The following DHX8 variants were observed in gnomAD, a reference collection of about 807,000 sequenced individuals.
DHX8 encodes DEAH-box helicase 8, also known as ATP-dependent RNA helicase DHX8.
Under a neutral mutation model 140.7 loss-of-function variants are expected in DHX8, and 67 were observed. The ratio of observed to expected loss-of-function variants is 0.48; its 90% confidence interval spans 0.39 to 0.58. DHX8 has a LOEUF of 0.58. Among genes scored for constraint, DHX8 ranks in the 20% least tolerant of loss-of-function variants. The pLI, the probability that DHX8 is intolerant of heterozygous loss-of-function variation, is 0.00. For synonymous variants in DHX8, 533 were observed against 553.2 expected (o/e 0.96, Z 0.51); for missense variants, 887 against 1,550.7 (o/e 0.57, Z 7.19).
At chr17:43,498,537 C>A (rs1381344388) in intron 9 of DHX8, among the ~76,000 whole-genome samples, 1 of 151,890 alleles carries the variant, frequency 6.6e-6, no homozygotes, top group Non-Finnish European at 1.5e-5. Flanking sequence ...GCAACCTCTG[C>A]CTCCTGGGTG....
chr17:43,527,712 C>G (rs192882738), downstream of DHX8: 174 of 195,092 alleles, frequency 8.9e-4, no homozygotes, highest in African/African-American at 3.8e-3. Flanking sequence ...GGTGAACTGC[C>G]TTTTTTCAAA....
At chr17:43,531,686 G>A (rs1163504369), downstream of DHX8, among the ~76,000 whole-genome samples, 6 of 152,114 alleles carry the variant, frequency 3.9e-5, no homozygotes, top group African/African-American at 1.4e-4. Context: ...AACAAACAGA[G>A]CAAGACTCTG....
intron 2 of DHX8, among the ~76,000 whole-genome samples, chr17:43,535,487 G>A (rs1331004777): frequency 6.6e-6 from 1 of 152,082 alleles, no homozygotes; most frequent in Non-Finnish European, 1.5e-5. Context: ...ATGTTGGCCA[G>A]GTTGGTCTCA....
At chr17:43,496,667 C>G (rs891928966) in intron 9 of DHX8, among the ~76,000 whole-genome samples, 9 of 151,992 alleles carry the variant, frequency 5.9e-5, no homozygotes, top group Non-Finnish European at 1.3e-4. Flanking sequence ...ATCGTCCCAG[C>G]TACTCGGGAG....
At chr17:43,533,099 C>T in intron 2 of DHX8, 2 of 1,541,140 alleles carry the variant, frequency 1.3e-6, no homozygotes, top group Non-Finnish European at 1.8e-6. Flanking sequence ...CTGCCTCTAC[C>T]ACCCCACAGC....
chr17:43,529,294 G>A (rs763809096), downstream of DHX8: 64 of 1,555,270 alleles, frequency 4.1e-5, no homozygotes, highest in Admixed American at 2.7e-4. Context: ...AAAAATGGGG[G>A]TAAGGTCAGA....
downstream of DHX8, chr17:43,528,853 G>C (rs899043815): frequency 4.8e-6 from 4 of 836,562 alleles, no homozygotes; most frequent in East Asian, 2.7e-5. Flanking sequence ...GCAGATGCTC[G>C]GGGCATTTCT....
intron 2 of DHX8, among the ~76,000 whole-genome samples, chr17:43,536,020 A>G (rs1214770119): frequency 6.6e-6 from 1 of 152,216 alleles, no homozygotes; most frequent in Non-Finnish European, 1.5e-5. Flanking sequence ...CTGAGGCAGG[A>G]GAATGGCTTA....
intron 8 of DHX8, among the ~76,000 whole-genome samples, chr17:43,494,826 A>C (rs1242099296): frequency 8.8e-6 from 1 of 113,442 alleles, no homozygotes; most frequent in Non-Finnish European, 1.8e-5. Flanking sequence ...TTTTTTTTTT[A>C]ATTGAGACGG....
chr17:43,507,697 A>G lies in DHX8; in HGVS notation c.2109+9A>G, dbSNP rs368659952. 6.2e-7 allele frequency: 1 copy of G among 1,613,548 alleles called. No individual in the cohort carries two copies. The highest frequency in any genetic ancestry group is 1.1e-5 in the South Asian group (1 of 91,074). On this transcript the variant is annotated intron_variant, in intron 14 of 22. Transcript: ENST00000262415. ...TTGGATTGTTGAAAAAGGTAACTAGATGCTCTTTAATGACCCCTCTACCTG... is the reference window on the plus strand; with the variant it reads ...TTGGATTGTTGAAAAAGGTAACTAGGTGCTCTTTAATGACCCCTCTACCTG...
chr17:43,540,521 T>C (rs1971468813), intron 3 of DHX8, among the ~76,000 whole-genome samples: 1 of 152,096 alleles, frequency 6.6e-6, no homozygotes, highest in Non-Finnish European at 1.5e-5. Flanking sequence ...TCCCATTCCA[T>C]AGGACTGGGG....
chr17:43,532,889 C>T lies in DHX8; in HGVS notation c.351-3523C>T, dbSNP rs758832558. On this transcript the variant is annotated intron_variant, in intron 2 of 3. Coordinates refer to the DHX8 transcript ENST00000589898. ...GGCTGGGAGGGGTTCCCGGCCCCCT[C>T]CCTGAGATGTGAAGGAGTGGCAAAT... The T allele has an allele frequency of 6.2e-7, 1 of 1,600,656 alleles. No individual in the cohort carries two copies. The highest frequency in any genetic ancestry group is 1.1e-5 in the South Asian group (1 of 89,778).
chr17:43,499,887 A>G, intron 10 of DHX8, 69 bp from the exon 11 acceptor site: 2 of 1,550,914 alleles, frequency 1.3e-6, no homozygotes, highest in Non-Finnish European at 1.8e-6. Flanking sequence ...TTTAGATTAC[A>G]GGAGCTTAAC....
At chr17:43,492,088 TCA>T in intron 4 of DHX8, 93 bp from the exon 5 acceptor site, 1 of 832,390 alleles carries the variant, frequency 1.2e-6, no homozygotes, top group East Asian at 2.5e-5. Context: ...TCTATTTCCC[TCA>T]CATAGTGATT....
At chr17:43,508,146 A>G in intron 15 of DHX8, 127 bp downstream of exon 15, 2 of 1,153,780 alleles carry the variant, frequency 1.7e-6, no homozygotes, top group South Asian at 3.2e-5. Flanking sequence ...TCTCTCTGCA[A>G]GCCTCAGGCT....
intron 3 of DHX8, among the ~76,000 whole-genome samples, chr17:43,540,839 C>T (rs182963955): frequency 8.7e-4 from 133 of 152,254 alleles, no homozygotes; most frequent in African/African-American, 3.1e-3. Context: ...ATTTCCCTCC[C>T]TCCTACTAGG....
intron 9 of DHX8, among the ~76,000 whole-genome samples, chr17:43,498,216 C>T (rs1001882364): frequency 5.9e-5 from 9 of 151,502 alleles, no homozygotes; most frequent in Admixed American, 1.3e-4. Context: ...ACGGTCTTGG[C>T]TCACTGAAAC....
In DHX8 at chr17:43,513,407, G is replaced by A; in HGVS notation, c.2548G>A (p.Gly850Ser). Reference protein sequence around the residue: ...NIAETSLTIDGIYYVVDPGFV... With the variant: ...NIAETSLTIDSIYYVVDPGFV... ...CGCAGAGACATCGCTGACTATTGATGGTATCTACTATGTGGTGGACCCAGG... is the reference window on the plus strand; with the variant it reads ...CGCAGAGACATCGCTGACTATTGATAGTATCTACTATGTGGTGGACCCAGG... The change falls in exon 17 of 23, where the codon GGT becomes AGT. Residue 850 changes from glycine to serine, a missense_variant. Coordinates refer to ENST00000262415, the MANE Select transcript of DHX8 (RefSeq NM_004941.3). 6.2e-7 allele frequency: 1 copy of A among 1,613,656 alleles called. No individual in the cohort carries two copies. Among genetic ancestry groups the A allele is most frequent in the Non-Finnish European group, 8.5e-7 (1 of 1,179,780 alleles).
At chr17:43,499,874 T>A (rs1390054840) in intron 10 of DHX8, 82 bp from the exon 11 acceptor site, 39 of 1,456,990 alleles carry the variant, frequency 2.7e-5, no homozygotes, top group African/African-American at 5.6e-5. Context: ...TGTAGTCTCA[T>A]GTTTTAGATT....
Sources: gnomAD v4.1 joint callset for allele counts (sites outside exome capture counted in the v4.1 genomes callset) on GRCh38, gnomAD v4.1.1 for gene constraint, MANE v1.5 for transcripts, NCBI Gene and HGNC (gene_info 2026-07-23, HGNC 2026-07-21) for gene names.